Variants in MGAT4B observed in about 807,000 individuals in gnomAD.
MGAT4B encodes the protein alpha-1,3-mannosyl-glycoprotein 4-beta-N-acetylglucosaminyltransferase B, also known as N-acetylglucosaminyltransferase IVb.
In MGAT4B, 38 loss-of-function variants were observed where a neutral mutation model predicts 73.9. That is an observed-to-expected ratio of 0.51 (90% CI 0.40 to 0.67). The LOEUF is 0.67. Ranked by LOEUF, MGAT4B falls within the 30% of genes least tolerant of loss-of-function variation. MGAT4B has a pLI of 0.00. For missense variants in MGAT4B, 686 were observed against 735.2 expected (o/e 0.93, Z 0.77); for synonymous variants, 373 against 313.5 (o/e 1.19, Z -2.01).
chr5:179,800,852 A>G (rs965923160), intron 5 of MGAT4B, 55 bp downstream of exon 5: 14 of 1,587,082 alleles, frequency 8.8e-6, no homozygotes, highest in Non-Finnish European at 1.2e-5. Context: ...CTGCCAGCAC[A>G]ACACCCCGCA....
chr5:179,800,844 G>A lies in MGAT4B; in HGVS notation c.605+63C>T, dbSNP rs377434081. 8.9e-6 allele frequency: 14 copies of A among 1,566,174 alleles called. No individual in the cohort carries two copies. In the African/African-American group the frequency reaches 1.8e-4, roughly 20 times the overall value. ...CTATCTCATGGGGAGGCAGGAACCT[G>A]CCAGCACAACACCCCGCACCGAGCT... On this transcript the variant is annotated intron_variant, in intron 5 of 14. Coordinates refer to ENST00000292591, the MANE Select transcript of MGAT4B (RefSeq NM_014275.5).
chr5:179,805,076 G>A (rs1757087006), intron 1 of MGAT4B: 2 of 152,278 alleles, frequency 1.3e-5, no homozygotes, highest in African/African-American at 4.8e-5. Flanking sequence ...TGGGTGCCAT[G>A]GAGCCAGTGC....
Position 179,799,529 on chromosome 5 carries a change from C to G in MGAT4B, c.1018G>C (p.Val340Leu). ...WLLDHILWVK[V>L]CNPEKDAKHC... ...ACCGCATCCTTCTCGGGGTTGCAGA[C>G]TTTCACCCACAGAATATGGTCCAGG... The change falls in exon 9 of 15, where the codon GTC (valine) becomes CTC (leucine). Residue 340 changes from valine (V) to leucine (L), a missense_variant. Physicochemically the swap from Val to Leu is conservative, Grantham distance 32. Around this residue, in one of 2 missense-constraint regions of MGAT4B, gnomAD observed 449 missense variants for 536.8 expected, o/e 0.84. Transcript: ENST00000292591. 1 of 1,613,988 alleles carries G rather than the reference C, an allele frequency of 6.2e-7. No homozygotes were observed. Among genetic ancestry groups the G allele is most frequent in the Non-Finnish European group, 8.5e-7 (1 of 1,180,020 alleles).
chr5:179,800,156 G>A, intron 7 of MGAT4B, 28 bp downstream of exon 7: 2 of 1,612,950 alleles, frequency 1.2e-6, no homozygotes, highest in Admixed American at 3.3e-5. Context: ...GCAGGGCAGG[G>A]CAGGGCAACG....
intron 11 of MGAT4B, 104 bp from the exon 12 acceptor site, chr5:179,798,695 G>T: frequency 7.5e-7 from 1 of 1,328,326 alleles, no homozygotes; most frequent in Non-Finnish European, 1.1e-6. Flanking sequence ...GGCCCCCCAG[G>T]CAGCTGTCAG....
rs747894538 is a variant in MGAT4B, at chr5:179,801,531, C to G, written c.424+23G>C. On this transcript the variant is annotated intron_variant, in intron 3 of 14. Coordinates refer to ENST00000292591, the MANE Select transcript of MGAT4B (RefSeq NM_014275.5). The surrounding 1 kb of genome is among the most constrained non-coding windows in gnomAD (Gnocchi z 4.8). ...GGGCCACCCGTCCCCCCACCCCGTG[C>G]TCCTCCCTGTCTGCGCCCATACCTC... The G allele has an allele frequency of 6.2e-7, 1 of 1,604,788 alleles. No individual in the cohort carries two copies. Among genetic ancestry groups the G allele is most frequent in the South Asian group, 1.1e-5 (1 of 90,730 alleles).
chr5:179,799,159 C>G (rs761479850), intron 10 of MGAT4B, 38 bp from the exon 11 acceptor site: 2 of 1,613,956 alleles, frequency 1.2e-6, no homozygotes, highest in South Asian at 2.2e-5. Context: ...GGCGTGGGCC[C>G]CGACCTTGAT....
intron 1 of MGAT4B, among the ~76,000 whole-genome samples, chr5:179,805,955 G>A (rs1043747380): frequency 2.0e-5 from 3 of 150,516 alleles, no homozygotes; most frequent in Non-Finnish European, 4.4e-5. Context: ...CAGGGCAGCA[G>A]GGGCCGGGCT....
In MGAT4B at chr5:179,799,478, C is replaced by G. The variant is rs762262934; in HGVS notation, c.1041+28G>C. Reference sequence around the variant, plus strand: ...AGGCTGCCTGCCCCTTGGCCCTGCCCCTGCCAGTCCCGCCAGCTCTTGCTC... The same window carrying G: ...AGGCTGCCTGCCCCTTGGCCCTGCCGCTGCCAGTCCCGCCAGCTCTTGCTC... On this transcript the variant is annotated intron_variant, in intron 9 of 14. Coordinates refer to ENST00000292591, the MANE Select transcript of MGAT4B (RefSeq NM_014275.5). The G allele has an allele frequency of 1.4e-5, 22 of 1,613,092 alleles. No homozygotes were observed. In the Admixed American group the frequency reaches 3.5e-4, roughly 26 times the overall value.
rs1302627782 is a variant in MGAT4B at position 179,799,285 on chromosome 5, T to C, written c.1067A>G (p.Asn356Ser). 1.9e-6 allele frequency: 3 copies of C among 1,613,764 alleles called. No homozygotes were observed. Among genetic ancestry groups the C allele is most frequent in the African/African-American group, 2.7e-5 (2 of 74,948 alleles). The change falls in exon 10 of 15, where the codon AAC (asparagine) becomes AGC (serine). Residue 356 changes from asparagine to serine, a missense_variant. Physicochemically the swap from Asn to Ser is conservative, Grantham distance 46. This residue lies in a region of MGAT4B where 449 missense variants were observed against 536.8 expected (regional missense o/e 0.84). Transcript: ENST00000292591. Reference sequence around the variant, plus strand: ...GGACGGTTTGAAGCGGATCCGCAGGTTGGCTTTCTGCCGGTCACAGTGCTT... The same window carrying C: ...GGACGGTTTGAAGCGGATCCGCAGGCTGGCTTTCTGCCGGTCACAGTGCTT... The part of the protein sequence containing the change: ...DAKHCDRQKA[N>S]LRIRFKPSLF...
chr5:179,804,400 G>A (rs1178616555), intron 1 of MGAT4B, among the ~76,000 whole-genome samples: 12 of 152,198 alleles, frequency 7.9e-5, no homozygotes, highest in Admixed American at 6.5e-4. Flanking sequence ...CTGAAGGCTG[G>A]GAGCGCTGCA....
rs779479635 is a variant in MGAT4B, at chr5:179,799,064, C to A, written c.1207G>T (p.Val403Leu). The A allele has an allele frequency of 8.1e-6, 13 of 1,613,984 alleles. No individual in the cohort carries two copies. The highest frequency in any genetic ancestry group is 1.1e-5 in the Non-Finnish European group (13 of 1,180,030). Residue 403 changes from valine to leucine, a missense_variant, in exon 11 of 15, where the codon GTG becomes TTG. Physicochemically the swap from Val to Leu is conservative, Grantham distance 32 (BLOSUM62 1). This residue lies in a region of MGAT4B where 449 missense variants were observed against 536.8 expected (regional missense o/e 0.84). Transcript: ENST00000292591. ...TGGTATGTCTTCAGGCTCGTGCTCACCTCTGCTGGCGGGTTCACATGCTCC... is the reference window on the plus strand; with the variant it reads ...TGGTATGTCTTCAGGCTCGTGCTCAACTCTGCTGGCGGGTTCACATGCTCC... ...RKEHVNPPAEVSTSLKTYQHF... is the reference protein window; with the variant it reads ...RKEHVNPPAELSTSLKTYQHF...
Position 179,806,557 on chromosome 5 carries a change from C to T in MGAT4B, c.27G>A (p.Leu9=), listed in dbSNP as rs201297801. The T allele has an allele frequency of 1.4e-5, 18 of 1,317,994 alleles. No individual in the cohort carries two copies. The East Asian group carries it at 7.3e-4, about 53-fold the overall frequency. 81.6% of individuals were successfully genotyped at this position (1,317,994 alleles called of 1,614,324 possible). Residue 9 remains leucine (L), a synonymous_variant, in exon 1 of 15, where the codon CTG becomes CTA. Coordinates refer to ENST00000292591, the MANE Select transcript of MGAT4B (RefSeq NM_014275.5). The surrounding 1 kb of genome is among the most constrained non-coding windows in gnomAD (Gnocchi z 4.6). ...CGCACAGGCAGAAGAGCAGCAGCGT[C>T]AGGAAGGTGCCATTGCGGAGCCTCA... MRLRNGTF[L]TLLLFCLCAF...
Position 179,798,347 on chromosome 5 carries a change from C to T in MGAT4B, c.1510G>A (p.Gly504Ser). The T allele has an allele frequency of 1.2e-6, 2 of 1,613,108 alleles. No individual in the cohort carries two copies. The highest frequency in any genetic ancestry group is 1.7e-6 in the Non-Finnish European group (2 of 1,180,006). The change falls in exon 13 of 15, where the codon GGC (glycine) becomes AGC (serine). Residue 504 changes from glycine to serine, a missense_variant and splice_region_variant. Around this residue, in one of 2 missense-constraint regions of MGAT4B, gnomAD observed 449 missense variants for 536.8 expected, o/e 0.84. Coordinates refer to ENST00000292591, the MANE Select transcript of MGAT4B (RefSeq NM_014275.5). Reference sequence around the variant, plus strand: ...ACGCTCTCCCCCAAACCCTACCCACCGATCTGGAGGTAGCCGTCGGGGCTC... The same window carrying T: ...ACGCTCTCCCCCAAACCCTACCCACTGATCTGGAGGTAGCCGTCGGGGCTC... ...PRSPDGYLQI[G>S]SFYKGVAEGE... is the part of the protein sequence containing the mutation.
Position 179,798,442 on chromosome 5 carries a change from C to A in MGAT4B, c.1423-8G>T. On this transcript the variant is annotated splice_polypyrimidine_tract_variant and splice_region_variant and intron_variant, in intron 12 of 14. Coordinates refer to ENST00000292591, the MANE Select transcript of MGAT4B (RefSeq NM_014275.5). Reference sequence around the variant, plus strand: ...CTTGTCTGACTGAGGGTTCTGGGGGCAGAATCAAGGGCTGAGGCAGGTGGT... The same window carrying A: ...CTTGTCTGACTGAGGGTTCTGGGGGAAGAATCAAGGGCTGAGGCAGGTGGT... 1 of 1,612,600 alleles carries A rather than the reference C, an allele frequency of 6.2e-7. No homozygotes were observed. Among genetic ancestry groups the A allele is most frequent in the Admixed American group, 1.7e-5 (1 of 59,900 alleles).
At position 179,801,844 on chromosome 5, in the gene MGAT4B, C is replaced by G. The variant is rs1408405419; in HGVS notation, c.223G>C (p.Val75Leu). ...NLVLDEIKRA[V>L]SERQALRDGD... Reference sequence around the variant, plus strand: ...TCTCGCAGCGCCTGCCTTTCTGACACGGCCCTCTTGATCTCGTCCAGCACC... The same window carrying G: ...TCTCGCAGCGCCTGCCTTTCTGACAGGGCCCTCTTGATCTCGTCCAGCACC... Residue 75 changes from valine (V) to leucine (L), a missense_variant, in exon 2 of 15, where the codon GTG becomes CTG. Val to Leu is a conservative substitution (Grantham distance 32, BLOSUM62 1). Coordinates refer to ENST00000292591, the MANE Select transcript of MGAT4B (RefSeq NM_014275.5). This position sits in a 1 kb window ranked among gnomAD's most constrained non-coding sequence, Gnocchi z 4.8. The G allele has an allele frequency of 6.2e-7, 1 of 1,607,856 alleles. No homozygotes were observed. Among genetic ancestry groups the G allele is most frequent in the Non-Finnish European group, 8.5e-7 (1 of 1,175,362 alleles).
chr5:179,801,698 G>C lies in MGAT4B; in HGVS notation c.284-4C>G. 1.2e-6 allele frequency: 2 copies of C among 1,607,934 alleles called. No individual in the cohort carries two copies. Among genetic ancestry groups the C allele is most frequent in the Non-Finnish European group, 1.7e-6 (2 of 1,178,490 alleles). On this transcript the variant is annotated splice_region_variant and splice_polypyrimidine_tract_variant and intron_variant, in intron 2 of 14. Coordinates refer to ENST00000292591, the MANE Select transcript of MGAT4B (RefSeq NM_014275.5). This position sits in a 1 kb window ranked among gnomAD's most constrained non-coding sequence, Gnocchi z 4.8. Reference sequence around the variant, plus strand: ...CACGGCTTCAATCGGGGGTCCTCTGGGTGGGTCGGGAAGGATCGGGACTGA... The same window carrying C: ...CACGGCTTCAATCGGGGGTCCTCTGCGTGGGTCGGGAAGGATCGGGACTGA...
chr5:179,804,406 C>T (rs576128542), intron 1 of MGAT4B, among the ~76,000 whole-genome samples: 1 of 152,320 alleles, frequency 6.6e-6, no homozygotes, highest in South Asian at 2.1e-4. Flanking sequence ...GCTGGGAGCG[C>T]TGCATGGCTG....
chr5:179,799,354 TTCC>T (rs1756804356), intron 9 of MGAT4B, 44 bp from the exon 10 acceptor site: 1 of 1,605,442 alleles, frequency 6.2e-7, no homozygotes, highest in Middle Eastern at 1.7e-4. Flanking sequence ...TTAGCCCTCC[TTCC>T]TCAACACGGC....
Sources: gnomAD v4.1 joint callset for allele counts (sites outside exome capture counted in the v4.1 genomes callset) on GRCh38, gnomAD v4.1.1 for gene constraint, gnomAD v4.1.1 regional missense constraint, Gnocchi (gnomAD v3.1) non-coding constraint, MANE v1.5 for transcripts, NCBI Gene and HGNC (gene_info 2026-07-23, HGNC 2026-07-21) for gene names.